B4GALT5: variants seen among roughly 807,000 people sequenced by gnomAD.
B4GALT5 encodes beta-1,4-galactosyltransferase 5, also known as UDP-Gal:beta-GlcNAc beta-1,4-galactosyltransferase 5.
Under a neutral mutation model 45.0 loss-of-function variants are expected in B4GALT5, and 11 were observed. That is an observed-to-expected ratio of 0.24 (90% CI 0.15 to 0.40). The LOEUF is 0.40. Ranked by LOEUF, B4GALT5 falls within the 10% of genes least tolerant of loss-of-function variation. The pLI is 1.00. For synonymous variants in B4GALT5, 185 were observed against 182.9 expected (o/e 1.01, Z -0.09); for missense variants, 337 against 500.2 (o/e 0.67, Z 3.11).
chr20:49,655,460 A>T (rs532492958), intron 2 of B4GALT5, among the ~76,000 whole-genome samples: 75 of 152,214 alleles, frequency 4.9e-4, no homozygotes, highest in African/African-American at 1.7e-3. Flanking sequence ...CCCAGAAAGC[A>T]CATTAGTCCT....
chr20:49,695,742 G>C (rs2085837181), intron 1 of B4GALT5, among the ~76,000 whole-genome samples: 1 of 148,074 alleles, frequency 6.8e-6, no homozygotes, highest in Non-Finnish European at 1.5e-5. Flanking sequence ...TGTTATAGCA[G>C]AACTATTTAA....
chr20:49,686,977 A>T (rs559519165), intron 1 of B4GALT5, among the ~76,000 whole-genome samples: 2 of 152,264 alleles, frequency 1.3e-5, no homozygotes, highest in African/African-American at 4.8e-5. Flanking sequence ...TCAAAATCCA[A>T]TTCTGCTTTT....
At chr20:49,698,003 T>C (rs2146358100) in intron 1 of B4GALT5, among the ~76,000 whole-genome samples, 1 of 152,326 alleles carries the variant, frequency 6.6e-6, no homozygotes, top group East Asian at 1.9e-4. Flanking sequence ...CATTATACTG[T>C]ACTATTAAGT....
intron 1 of B4GALT5, among the ~76,000 whole-genome samples, chr20:49,701,845 C>G (rs1359600094): frequency 6.6e-6 from 1 of 152,016 alleles, no homozygotes; most frequent in Non-Finnish European, 1.5e-5. Context: ...GAAGCCAAGA[C>G]AGGTGGATCA....
At chr20:49,710,576 C>A (rs1230684925) in intron 1 of B4GALT5, among the ~76,000 whole-genome samples, 1 of 151,830 alleles carries the variant, frequency 6.6e-6, no homozygotes. Flanking sequence ...CCTGCCACCA[C>A]GCCCGGCTAA....
intron 1 of B4GALT5, among the ~76,000 whole-genome samples, chr20:49,657,849 G>A (rs2085649632): frequency 6.6e-6 from 1 of 152,300 alleles, no homozygotes; most frequent in African/African-American, 2.4e-5. Context: ...TGGAATAATG[G>A]ACGAAGCTTA....
intron 1 of B4GALT5, among the ~76,000 whole-genome samples, chr20:49,694,380 G>A (rs542811780): frequency 2.0e-5 from 3 of 152,216 alleles, no homozygotes; most frequent in Admixed American, 1.3e-4. Flanking sequence ...GTCTGGGCAC[G>A]GTGGCTCACA....
intron 1 of B4GALT5, among the ~76,000 whole-genome samples, chr20:49,669,749 G>A (rs138558890): frequency 4.2e-4 from 63 of 151,690 alleles, no homozygotes; most frequent in East Asian, 7.7e-4. Context: ...TGTGATAGCC[G>A]GAGGAGTTGC....
intron 1 of B4GALT5, among the ~76,000 whole-genome samples, chr20:49,683,958 T>C (rs921424647): frequency 1.3e-5 from 2 of 150,414 alleles, no homozygotes; most frequent in African/African-American, 2.4e-5. Flanking sequence ...CTGGCCAACA[T>C]AGTAAAACCC....
intron 1 of B4GALT5, among the ~76,000 whole-genome samples, chr20:49,699,168 G>C (rs1186010415): frequency 6.6e-6 from 1 of 151,718 alleles, no homozygotes; most frequent in African/African-American, 2.4e-5. Flanking sequence ...GAATGTACTG[G>C]GGTAGATGAC....
Position 49,707,913 on chromosome 20 carries a change from C to CTT in B4GALT5, c.115+5661_115+5662dup, listed in dbSNP as rs757359416. Among the ~76,000 whole-genome samples, 888 of 135,862 alleles carry CTT rather than the reference C, an allele frequency of 6.5e-3. 13 individuals are homozygous for CTT. The highest frequency in any genetic ancestry group is 0.022 in the African/African-American group (831 of 37,104). The allele number at this position is 135,862 out of a possible 152,430, so 89.1% of individuals were successfully genotyped here. A position where few individuals can be genotyped will look rare whatever the true frequency, so the allele number is the denominator to read the frequency against. On this transcript the variant is annotated intron_variant, in intron 1 of 8. Transcript: ENST00000371711. ...AAAGGCATGAGCCACCTTGCCCAGC[C>CTT]TTTTTTTTTTTTTTTTGTCTAAAAT...
intron 3 of B4GALT5, among the ~76,000 whole-genome samples, chr20:49,646,738 G>A (rs1005630115): frequency 3.3e-5 from 5 of 152,168 alleles, no homozygotes; most frequent in Non-Finnish European, 7.4e-5. Flanking sequence ...GACAGGCAAG[G>A]GCAAAGGGAA....
chr20:49,684,833 C>T (rs575481582), intron 1 of B4GALT5, among the ~76,000 whole-genome samples: 111 of 152,168 alleles, frequency 7.3e-4, no homozygotes, highest in Non-Finnish European at 1.3e-3. Flanking sequence ...GCTGTGTGAT[C>T]TTGAGCTCGT....
intron 7 of B4GALT5, among the ~76,000 whole-genome samples, chr20:49,638,119 A>G (rs1199445125): frequency 6.6e-6 from 1 of 151,954 alleles, no homozygotes; most frequent in Non-Finnish European, 1.5e-5. Flanking sequence ...CCCAGGCTCA[A>G]TTAGTCCTCC....
intron 1 of B4GALT5, among the ~76,000 whole-genome samples, chr20:49,713,040 G>A (rs2085924680): frequency 6.7e-6 from 1 of 150,236 alleles, no homozygotes; most frequent in African/African-American, 2.4e-5. Context: ...GAGGGAGGGG[G>A]CTCACGGGAG....
At position 49,643,665 on chromosome 20, in the gene B4GALT5, G is replaced by T. The variant is rs1290368003; in HGVS notation, c.365-15C>A. 6.2e-7 allele frequency: 1 copy of T among 1,610,010 alleles called. No individual in the cohort carries two copies. Among genetic ancestry groups the T allele is most frequent in the South Asian group, 1.1e-5 (1 of 90,766 alleles). ...TATTGGGCCCTCTGAACAGAGACGG[G>T]GAAAAGGGATTAAGAGGTCAGAAAA... On this transcript the variant is annotated splice_polypyrimidine_tract_variant and intron_variant, in intron 3 of 8. Coordinates refer to ENST00000371711, the MANE Select transcript of B4GALT5 (RefSeq NM_004776.4).
chr20:49,680,452 C>T (rs916384275), intron 1 of B4GALT5, among the ~76,000 whole-genome samples: 1 of 152,184 alleles, frequency 6.6e-6, no homozygotes, highest in Non-Finnish European at 1.5e-5. Flanking sequence ...GTGAAACATG[C>T]TGTAACATAG....
At chr20:49,650,613 G>A (rs930683304) in intron 2 of B4GALT5, among the ~76,000 whole-genome samples, 1 of 152,042 alleles carries the variant, frequency 6.6e-6, no homozygotes, top group Non-Finnish European at 1.5e-5. Flanking sequence ...CTCCAGCCTG[G>A]GCAACAACAG....
intron 1 of B4GALT5, among the ~76,000 whole-genome samples, chr20:49,693,818 G>C (rs2085826386): frequency 6.6e-6 from 1 of 152,220 alleles, no homozygotes; most frequent in African/African-American, 2.4e-5. Flanking sequence ...CAGGTATGCA[G>C]CTTTGCATAA....
Sources: allele counts gnomAD v4.1 joint callset (sites outside exome capture counted in the v4.1 genomes callset), GRCh38; gene constraint gnomAD v4.1.1; transcripts MANE v1.5; gene names NCBI Gene and HGNC (gene_info 2026-07-23, HGNC 2026-07-21).